Variants in CDH12 observed in about 807,000 individuals in gnomAD.
CDH12 encodes cadherin-12.
CDH12 carries 41 observed loss-of-function variants against 74.1 expected under a neutral mutation model. The ratio of observed to expected loss-of-function variants is 0.55; its 90% CI spans 0.43 to 0.72. The LOEUF is 0.72. Among genes scored for constraint, CDH12 ranks in the 30% least tolerant of loss-of-function variants. CDH12 has a pLI of 0.00. For missense variants in CDH12, 945 were observed against 977.2 expected (o/e 0.97, Z 0.44); for synonymous variants, 399 against 355.0 (o/e 1.12, Z -1.39).
chr5:22,166,518 C>A (rs957440245), intron 4 of CDH12, among the ~76,000 whole-genome samples: 1 of 152,092 alleles, frequency 6.6e-6, no homozygotes, highest in African/African-American at 2.4e-5. Context: ...AATTAAGATG[C>A]TTCAAGTATT....
chr5:22,629,256 C>A (rs140246878), intron 1 of CDH12, among the ~76,000 whole-genome samples: 4 of 152,030 alleles, frequency 2.6e-5, no homozygotes, highest in African/African-American at 9.6e-5. Flanking sequence ...TCTCTGAGGT[C>A]ACCATCTTTC....
At chr5:22,349,424 T>C (rs950079545) in intron 3 of CDH12, among the ~76,000 whole-genome samples, 3 of 152,224 alleles carry the variant, frequency 2.0e-5, no homozygotes, top group East Asian at 3.9e-4. Flanking sequence ...ATATGTCTTA[T>C]GCAGATTTCA....
rs115777267 is a variant in CDH12, at chr5:21,799,846, C to G, written c.1256+2321G>C. Among the ~76,000 whole-genome samples the G allele has an allele frequency of 7.6e-3, 1,159 of 152,224 alleles. 9 individuals carry two copies. Among genetic ancestry groups the G allele is most frequent in the African/African-American group, 0.027 (1,108 of 41,540 alleles). ...GCTCAGTGGAGCCCTGAGAGTGTGA[C>G]CACTGCACATGAGTGAGGACACTGC... is the stretch of plus-strand genomic sequence containing the variant. On this transcript the variant is annotated intron_variant, in intron 10 of 14. Transcript: ENST00000382254.
intron 3 of CDH12, among the ~76,000 whole-genome samples, chr5:22,377,317 C>A (rs774463423): frequency 4.6e-5 from 7 of 152,168 alleles, no homozygotes; most frequent in African/African-American, 1.4e-4. Flanking sequence ...CCATTGACAG[C>A]AACAGAGTTT....
At chr5:22,020,754 C>G (rs569781083) in intron 5 of CDH12, among the ~76,000 whole-genome samples, 1 of 151,862 alleles carries the variant, frequency 6.6e-6, no homozygotes, top group East Asian at 1.9e-4. Flanking sequence ...TATCCCCCCT[C>G]TCATGACTTC....
chr5:22,388,177 GA>G (rs1195263176), intron 3 of CDH12, among the ~76,000 whole-genome samples: 1 of 152,060 alleles, frequency 6.6e-6, no homozygotes, highest in Non-Finnish European at 1.5e-5. Context: ...GAGTCCTTTG[GA>G]TTGGTGGATG....
intron 1 of CDH12, among the ~76,000 whole-genome samples, chr5:22,697,661 C>T (rs1023403761): frequency 2.6e-5 from 4 of 151,660 alleles, no homozygotes; most frequent in African/African-American, 9.7e-5. Flanking sequence ...GAAGTATTTT[C>T]CAAATACTTT....
At chr5:22,026,731 C>T (rs1738385008) in intron 5 of CDH12, among the ~76,000 whole-genome samples, 2 of 152,022 alleles carry the variant, frequency 1.3e-5, no homozygotes. Flanking sequence ...CTGGATGTGC[C>T]TCATTCTTTT....
chr5:21,999,063 C>A (rs1736454894), intron 5 of CDH12, among the ~76,000 whole-genome samples: 2 of 152,142 alleles, frequency 1.3e-5, no homozygotes, highest in Admixed American at 1.3e-4. Context: ...CAATTTGCAG[C>A]AGGACATACT....
intron 1 of CDH12, among the ~76,000 whole-genome samples, chr5:22,510,895 T>TC (rs1491265188): frequency 8.7e-6 from 1 of 115,022 alleles, no homozygotes; most frequent in Non-Finnish European, 1.9e-5. Context: ...ACATATATAA[T>TC]TTTTTTTTTT....
At chr5:22,453,613 A>C (rs185387908) in intron 2 of CDH12, among the ~76,000 whole-genome samples, 104 of 152,226 alleles carry the variant, frequency 6.8e-4, no homozygotes, top group African/African-American at 2.2e-3. Flanking sequence ...AGGTTGGTTA[A>C]TAGGTACAAA....
chr5:22,554,518 T>C (rs1455606472), intron 1 of CDH12, among the ~76,000 whole-genome samples: 1 of 152,100 alleles, frequency 6.6e-6, no homozygotes, highest in African/African-American at 2.4e-5. Context: ...ATATGACAAA[T>C]ATTCTCTTAA....
intron 6 of CDH12, among the ~76,000 whole-genome samples, chr5:21,902,175 G>A (rs1441150533): frequency 6.6e-6 from 1 of 151,832 alleles, no homozygotes; most frequent in East Asian, 1.9e-4. Flanking sequence ...ATTATGAAGG[G>A]AGACTTGCAA....
intron 3 of CDH12, among the ~76,000 whole-genome samples, chr5:22,338,880 G>A (rs1472863095): frequency 6.6e-6 from 1 of 152,162 alleles, no homozygotes; most frequent in Non-Finnish European, 1.5e-5. Context: ...AGGACAATGT[G>A]GAAGGGAACA....
At chr5:22,130,358 T>A (rs1391858224) in intron 4 of CDH12, among the ~76,000 whole-genome samples, 1 of 152,008 alleles carries the variant, frequency 6.6e-6, no homozygotes, top group Non-Finnish European at 1.5e-5. Context: ...TTTTTCTCTA[T>A]TTCAGTAAGG....
intron 1 of CDH12, among the ~76,000 whole-genome samples, chr5:22,771,779 A>T (rs1388468308): frequency 6.6e-6 from 1 of 152,068 alleles, no homozygotes; most frequent in Admixed American, 6.6e-5. Context: ...CAGTTTCTTT[A>T]CAGCCTACGG....
intron 3 of CDH12, among the ~76,000 whole-genome samples, chr5:22,377,664 T>G (rs1457081701): frequency 6.6e-6 from 1 of 152,192 alleles, no homozygotes; most frequent in Non-Finnish European, 1.5e-5. Flanking sequence ...AACACCTCAC[T>G]TTCTATGCCA....
intron 3 of CDH12, among the ~76,000 whole-genome samples, chr5:22,360,881 C>A (rs925150100): frequency 1.2e-4 from 18 of 152,060 alleles, no homozygotes; most frequent in Admixed American, 1.2e-3. Context: ...AATTAAACAG[C>A]CCTTCATGCT....
intron 3 of CDH12, among the ~76,000 whole-genome samples, chr5:22,318,660 G>C (rs1738730788): frequency 6.6e-6 from 1 of 152,156 alleles, no homozygotes; most frequent in African/African-American, 2.4e-5. Context: ...GGCACTAAGG[G>C]GAGATTTTCT....
Sources: allele counts gnomAD v4.1 joint callset (sites outside exome capture counted in the v4.1 genomes callset), GRCh38; gene constraint gnomAD v4.1.1; transcripts MANE v1.5; gene names NCBI Gene and HGNC (gene_info 2026-07-23, HGNC 2026-07-21).